DLGAP2: variants seen among roughly 807,000 people sequenced by gnomAD.
DLGAP2 encodes disks large-associated protein 2.
In DLGAP2, 26 loss-of-function variants were observed where a neutral mutation model predicts 100.3. That is an observed-to-expected ratio of 0.26 (90% CI 0.19 to 0.36). DLGAP2 has a LOEUF of 0.36. Among genes scored for constraint, DLGAP2 ranks in the 10% least tolerant of loss-of-function variants. The pLI is 1.00. For synonymous variants in DLGAP2, 886 were observed against 630.1 expected (o/e 1.41, Z -6.08); for missense variants, 1,858 against 1,453.2 (o/e 1.28, Z -4.53).
chr8:1,191,887 C>T (rs1201302586), intron 2 of DLGAP2, among the ~76,000 whole-genome samples: 1 of 152,188 alleles, frequency 6.6e-6, no homozygotes, highest in Non-Finnish European at 1.5e-5. Flanking sequence ...ATTCTTGGTG[C>T]AGTTGGCCCC....
chr8:1,293,120 A>G (rs1225953036), intron 3 of DLGAP2, among the ~76,000 whole-genome samples: 1 of 151,874 alleles, frequency 6.6e-6, no homozygotes, highest in African/African-American at 2.4e-5. Context: ...CTGCATTTTC[A>G]ATCCTTGTGT....
At chr8:1,342,912 C>A (rs936000132) in intron 3 of DLGAP2, among the ~76,000 whole-genome samples, 2 of 152,062 alleles carry the variant, frequency 1.3e-5, no homozygotes, top group South Asian at 2.1e-4. Flanking sequence ...TGCCGTGAGA[C>A]CAGGTGCCAG....
intron 1 of DLGAP2, among the ~76,000 whole-genome samples, chr8:901,930 A>G (rs1377271939): frequency 6.6e-6 from 1 of 152,098 alleles, no homozygotes; most frequent in Non-Finnish European, 1.5e-5. Context: ...ATCCTCCGGG[A>G]TGGGCAGGGA....
intron 2 of DLGAP2, among the ~76,000 whole-genome samples, chr8:1,085,164 T>G (rs1563183277): frequency 6.6e-6 from 1 of 152,252 alleles, no homozygotes. Flanking sequence ...GTGCCTTCTT[T>G]TGAGAAATGT....
At chr8:738,128 T>G in intron 1 of DLGAP2, 1 of 186,402 alleles carries the variant, frequency 5.4e-6, no homozygotes, top group Non-Finnish European at 1.1e-5. Context: ...GGTGTGAAAT[T>G]CTCCGCTCTG....
At chr8:1,685,731 A>G (rs2130867610) in intron 12 of DLGAP2, among the ~76,000 whole-genome samples, 2 of 151,524 alleles carry the variant, frequency 1.3e-5, no homozygotes, top group East Asian at 3.9e-4. Context: ...AGCTCAAATA[A>G]CAGAAAAAAA....
At chr8:875,885 A>G (rs1585961439) in intron 1 of DLGAP2, among the ~76,000 whole-genome samples, 1 of 152,338 alleles carries the variant, frequency 6.6e-6, no homozygotes, top group Admixed American at 6.5e-5. Flanking sequence ...AATTCTAGTA[A>G]TAAATAGAAG....
At chr8:1,244,445 T>C (rs975640217) in intron 2 of DLGAP2, among the ~76,000 whole-genome samples, 44 of 152,322 alleles carry the variant, frequency 2.9e-4, no homozygotes, top group African/African-American at 8.2e-4. Context: ...TAAAGTGTTG[T>C]AAAAGAGGTG....
At chr8:1,324,189 C>T in intron 3 of DLGAP2, among the ~76,000 whole-genome samples, 1 of 152,324 alleles carries the variant, frequency 6.6e-6, no homozygotes, top group East Asian at 1.9e-4. Flanking sequence ...TTGCTTCAAA[C>T]ATGATTCAGT....
chr8:1,047,831 G>A (rs1394511793), intron 2 of DLGAP2, among the ~76,000 whole-genome samples: 1 of 152,116 alleles, frequency 6.6e-6, no homozygotes, highest in Non-Finnish European at 1.5e-5. Context: ...TCATCATATG[G>A]ATTTTGAGGG....
At chr8:1,542,512 G>A (rs758673059) in intron 4 of DLGAP2, among the ~76,000 whole-genome samples, 2 of 152,158 alleles carry the variant, frequency 1.3e-5, no homozygotes, top group Non-Finnish European at 2.9e-5. Context: ...TTTGTGACTG[G>A]CTTCTTTCCC....
At chr8:1,326,080 A>C (rs528331467) in intron 3 of DLGAP2, among the ~76,000 whole-genome samples, 2 of 152,210 alleles carry the variant, frequency 1.3e-5, no homozygotes, top group African/African-American at 4.8e-5. Context: ...AGTGGACTCA[A>C]CTATACAGCT....
At chr8:1,614,712 C>T (rs1007365676) in intron 6 of DLGAP2, among the ~76,000 whole-genome samples, 2 of 152,248 alleles carry the variant, frequency 1.3e-5, no homozygotes, top group African/African-American at 2.4e-5. Flanking sequence ...GACAGTTGCT[C>T]ACCCTGGCGA....
intron 2 of DLGAP2, among the ~76,000 whole-genome samples, chr8:985,877 A>C (rs1241559525): frequency 6.6e-6 from 1 of 150,806 alleles, no homozygotes; most frequent in Non-Finnish European, 1.5e-5. Flanking sequence ...CACCTGACAA[A>C]CCCCCTGTTT....
At chr8:1,328,841 C>A (rs919297056) in intron 3 of DLGAP2, among the ~76,000 whole-genome samples, 1 of 152,208 alleles carries the variant, frequency 6.6e-6, no homozygotes, top group Non-Finnish European at 1.5e-5. Flanking sequence ...AAAGGCCGAA[C>A]ACAGATGCTC....
chr8:1,589,279 T>C (rs1796219508), intron 6 of DLGAP2, among the ~76,000 whole-genome samples: 1 of 152,368 alleles, frequency 6.6e-6, no homozygotes, highest in Non-Finnish European at 1.5e-5. Flanking sequence ...TAACACTGCA[T>C]TTAAAAACAA....
At chr8:1,254,890 TGCTGTGTCTGTGCTCTCTCCTGCCCAG>T (rs1799138485) in intron 2 of DLGAP2, among the ~76,000 whole-genome samples, 3 of 151,490 alleles carry the variant, frequency 2.0e-5, no homozygotes, top group African/African-American at 4.9e-5. Flanking sequence ...CCTGCCCGCG[TGCTGTGTCTGTGCTCTCTCCTGCCCAG>T]GTGCTGTGTG....
intron 4 of DLGAP2, among the ~76,000 whole-genome samples, chr8:1,511,133 C>G (rs189211544): frequency 5.8e-4 from 89 of 152,362 alleles, no homozygotes; most frequent in African/African-American, 2.0e-3. Flanking sequence ...TAGTGGGTGA[C>G]CATCCTCCAT....
At chr8:1,095,064 C>T (rs1406499139) in intron 2 of DLGAP2, among the ~76,000 whole-genome samples, 1 of 141,074 alleles carries the variant, frequency 7.1e-6, no homozygotes, top group African/African-American at 2.6e-5. Context: ...TGGCGTGGAC[C>T]ACCTTCCCAG....
Sources: gnomAD v4.1 joint callset for allele counts (sites outside exome capture counted in the v4.1 genomes callset) on GRCh38, gnomAD v4.1.1 for gene constraint, MANE v1.5 for transcripts, NCBI Gene and HGNC (gene_info 2026-07-23, HGNC 2026-07-21) for gene names.